Variants in BRCA2 observed in about 807,000 individuals in gnomAD.
BRCA2 encodes the protein BRCA2 DNA repair associated, also known as breast cancer type 2 susceptibility protein.
Under a neutral mutation model 276.7 loss-of-function variants are expected in BRCA2, and 203 were observed. The observed-to-expected ratio is 0.73, with a 90% CI of 0.65 to 0.82. The LOEUF is 0.82. Among genes scored for constraint, BRCA2 ranks in the 40% least tolerant of loss-of-function variants. The pLI is 0.00. For missense variants in BRCA2, 3,920 were observed against 3,915.0 expected, an observed-to-expected ratio of 1.00 and a Z score of -0.03; for synonymous variants, 1,289 against 1,338.4, an observed-to-expected ratio of 0.96 and a Z score of 0.81.
intron 24 of BRCA2, among the ~76,000 whole-genome samples, chr13:32,388,274 A>G (rs1458871331): frequency 6.6e-6 from 1 of 152,008 alleles, no homozygotes. Context: ...ACGTGCCACC[A>G]CACACGGCTA....
Position 32,398,485 on chromosome 13 carries a change from A to G in BRCA2, c.9972A>G (p.Pro3324=), listed in dbSNP as rs786201647. The change falls in exon 27 of 27, where the codon CCA becomes CCG. Residue 3324 remains proline, a synonymous_variant. Transcript: ENST00000380152. ...KKELNSPQMT[P]FKKFNEISLL... ...AACTGAATTCTCCTCAGATGACTCC[A>G]TTTAAAAAATTCAATGAAATTTCTC... 11 of 1,614,048 alleles carry G rather than the reference A, an allele frequency of 6.8e-6. No individual in the cohort carries two copies. In the Admixed American group the frequency reaches 1.7e-4, roughly 24 times the overall value.
chr13:32,340,066 T>A lies in BRCA2; in HGVS notation c.5711T>A (p.Leu1904His), dbSNP rs876658494. Residue 1904 changes from leucine (L) to histidine (H), a missense_variant, in exon 11 of 27, where the codon CTT becomes CAT. Physicochemically the swap from Leu to His is moderately conservative, Grantham distance 99 (BLOSUM62 -3). Around this residue, in one of 2 missense-constraint regions of BRCA2, gnomAD observed 3,263 missense variants for 3,156.9 expected, o/e 1.03. Coordinates refer to ENST00000380152, the MANE Select transcript of BRCA2 (RefSeq NM_000059.4). ...YEALDDSEDI[L>H]HNSLDNDECS... ...GCATTGGATGATTCAGAGGATATTC[T>A]TCATAACTCTCTAGATAATGATGAA... The A allele has an allele frequency of 1.9e-6, 3 of 1,613,818 alleles. No individual in the cohort carries two copies. The highest frequency in any genetic ancestry group is 2.2e-5 in the East Asian group (1 of 44,854).
At chr13:32,318,959 C>G in intron 2 of BRCA2, 118 bp from the exon 3 acceptor site, 2 of 1,368,776 alleles carry the variant, frequency 1.5e-6, no homozygotes, top group Non-Finnish European at 2.0e-6. Context: ...TATGCCTTAA[C>G]AAAAGTAATC....
intron 21 of BRCA2, among the ~76,000 whole-genome samples, chr13:32,377,664 G>A (rs981939563): frequency 6.7e-6 from 1 of 150,036 alleles, no homozygotes; most frequent in African/African-American, 2.5e-5. Flanking sequence ...CTATATAAAA[G>A]TTCCATATAA....
At chr13:32,323,346 G>A (rs1304514820) in intron 3 of BRCA2, among the ~76,000 whole-genome samples, 1 of 151,928 alleles carries the variant, frequency 6.6e-6, no homozygotes, top group Non-Finnish European at 1.5e-5. Flanking sequence ...GTAGAGACGG[G>A]GTTTCACTGT....
chr13:32,330,095 C>T (rs1488254502), intron 8 of BRCA2, among the ~76,000 whole-genome samples: 1 of 152,206 alleles, frequency 6.6e-6, no homozygotes, highest in African/African-American at 2.4e-5. Flanking sequence ...CCATCCCTTA[C>T]TTGCAGTAAA....
intron 24 of BRCA2, among the ~76,000 whole-genome samples, chr13:32,390,843 T>A (rs1425593094): frequency 6.6e-6 from 1 of 152,132 alleles, no homozygotes; most frequent in African/African-American, 2.4e-5. Flanking sequence ...GAAGCAGGGG[T>A]CAGTTGTTGA....
chr13:32,391,577 C>A (rs1369402946), intron 24 of BRCA2, among the ~76,000 whole-genome samples: 1 of 152,230 alleles, frequency 6.6e-6, no homozygotes, highest in African/African-American at 2.4e-5. Flanking sequence ...CGCACCATGG[C>A]ATCCACTCCA....
chr13:32,398,081 T>C (rs2073048122), intron 26 of BRCA2, 81 bp from the exon 27 acceptor site: 5 of 1,469,010 alleles, frequency 3.4e-6, no homozygotes, highest in African/African-American at 1.4e-5. Flanking sequence ...TGCTTAAATA[T>C]TTTCAATGAA....
At position 32,337,999 on chromosome 13, in the gene BRCA2, G is replaced by A. The variant is rs773442698; in HGVS notation, c.3644G>A (p.Gly1215Glu). 10 of 1,613,188 alleles carry A rather than the reference G, an allele frequency of 6.2e-6. No individual in the cohort carries two copies. In the South Asian group the frequency reaches 9.9e-5, roughly 16 times the overall value. The part of the protein sequence containing the change: ...SGYLTDENEV[G>E]FRGFYSAHGT... ...TATTTAACAGATGAAAATGAAGTGG[G>A]GTTTAGGGGCTTTTATTCTGCTCAT... The change falls in exon 11 of 27, where the codon GGG becomes GAG. Residue 1215 changes from glycine (G) to glutamate (E), a missense_variant. Physicochemically the swap from Gly to Glu is moderately conservative, Grantham distance 98. This residue lies in a region of BRCA2 where 3,263 missense variants were observed against 3,156.9 expected (regional missense o/e 1.03). Transcript: ENST00000380152.
chr13:32,343,709 G>GA lies in BRCA2; in HGVS notation c.6842-839dup, dbSNP rs139939339. Reference sequence around the variant, plus strand: ...GAAGTATATTGACTTTCCACCTAGGGAAAAAAAAAACAATAACTCAGACTT... The same window carrying GA: ...GAAGTATATTGACTTTCCACCTAGGGAAAAAAAAAAACAATAACTCAGACTT... On this transcript the variant is annotated intron_variant, in intron 11 of 26. Transcript: ENST00000380152. Among the ~76,000 whole-genome samples, 6,234 of 147,780 alleles carry GA rather than the reference G, an allele frequency of 0.042. 216 individuals are homozygous for GA. Among genetic ancestry groups the GA allele is most frequent in the South Asian group, 0.12 (543 of 4,716 alleles).
At position 32,346,873 on chromosome 13, in the gene BRCA2, G is replaced by C. The variant is rs1555285353; in HGVS notation, c.6984G>C (p.Glu2328Asp). 6.2e-7 allele frequency: 1 copy of C among 1,610,120 alleles called. No homozygotes were observed. Among genetic ancestry groups the C allele is most frequent in the Non-Finnish European group, 8.5e-7 (1 of 1,178,054 alleles). Residue 2328 changes from glutamate to aspartate, a missense_variant, in exon 13 of 27, where the codon GAG (glutamate) becomes GAC (aspartate). Physicochemically the swap from Glu to Asp is conservative, Grantham distance 45 (BLOSUM62 2). Coordinates refer to ENST00000380152, the MANE Select transcript of BRCA2 (RefSeq NM_000059.4). Reference sequence around the variant, plus strand: ...TGTTTATGCATCATGTTTCTTTAGAGCCGATTACCTGTGTACCCTTTCGGT... The same window carrying C: ...TGTTTATGCATCATGTTTCTTTAGACCCGATTACCTGTGTACCCTTTCGGT... Reference protein sequence around the residue: ...RRLFMHHVSLEPITCVPFRTT... With the variant: ...RRLFMHHVSLDPITCVPFRTT...
chr13:32,330,982 T>G lies in BRCA2; in HGVS notation c.745T>G (p.Ser249Ala). The G allele has an allele frequency of 6.2e-7, 1 of 1,613,864 alleles. No individual in the cohort carries two copies. Among genetic ancestry groups the G allele is most frequent in the Non-Finnish European group, 8.5e-7 (1 of 1,179,796 alleles). The change falls in exon 9 of 27, where the codon TCT (serine) becomes GCT (alanine). Residue 249 changes from serine (S) to alanine (A), a missense_variant. This residue lies in a region of BRCA2 where 3,263 missense variants were observed against 3,156.9 expected (regional missense o/e 1.03). Coordinates refer to ENST00000380152, the MANE Select transcript of BRCA2 (RefSeq NM_000059.4). ...GAAGAAAAATGATAGATTTATCGCT[T>G]CTGTGACAGACAGTGAAAACACAAA... is the stretch of plus-strand genomic sequence containing the variant. ...SLKKNDRFIA[S>A]VTDSENTNQR...
intron 21 of BRCA2, among the ~76,000 whole-genome samples, chr13:32,378,340 A>G (rs1221470187): frequency 2.0e-5 from 3 of 152,192 alleles, no homozygotes; most frequent in Non-Finnish European, 4.4e-5. Flanking sequence ...CTAAGTGCCT[A>G]TGAGTCTATG....
At chr13:32,388,121 CTT>C (rs34184533) in intron 24 of BRCA2, among the ~76,000 whole-genome samples, 54 of 141,474 alleles carry the variant, frequency 3.8e-4, no homozygotes, top group East Asian at 1.2e-3. Context: ...ATGACCTCAT[CTT>C]TTTTTTTTTT....
At position 32,337,345 on chromosome 13, in the gene BRCA2, T is replaced by A. The variant is rs397507649; in HGVS notation, c.2990T>A (p.Leu997Ter). The change falls in exon 11 of 27, where the codon TTA becomes TAA. Residue 997 changes from leucine to a stop codon, truncating the protein, a stop_gained. Coordinates refer to ENST00000380152, the MANE Select transcript of BRCA2 (RefSeq NM_000059.4). LOFTEE classifies it high-confidence loss of function. Reference sequence around the variant, plus strand: ...TACATGAACAAATGGGCAGGACTCTTAGGTCCAATTTCAAATCACAGTTTT... The same window carrying A: ...TACATGAACAAATGGGCAGGACTCTAAGGTCCAATTTCAAATCACAGTTTT... ...NDYMNKWAGL[L>*]GPISNHSFGG... 6.2e-7 allele frequency: 1 copy of A among 1,613,890 alleles called. No individual in the cohort carries two copies. Among genetic ancestry groups the A allele is most frequent in the South Asian group, 1.1e-5 (1 of 91,078 alleles).
Position 32,337,193 on chromosome 13 carries a change from T to C in BRCA2, c.2838T>C (p.Asp946=), listed in dbSNP as rs149753706. ...CAACCCAAGTGTCAATTAAAAAAGA[T>C]TTGGTTTATGTTCTTGCAGAGGAGA... ...KQATQVSIKK[D]LVYVLAEENK... The change falls in exon 11 of 27, where the codon GAT becomes GAC. Residue 946 remains aspartate, a synonymous_variant. Coordinates refer to ENST00000380152, the MANE Select transcript of BRCA2 (RefSeq NM_000059.4). 6.2e-7 allele frequency: 1 copy of C among 1,613,724 alleles called. No individual in the cohort carries two copies. The highest frequency in any genetic ancestry group is 8.5e-7 in the Non-Finnish European group (1 of 1,179,858).
At position 32,347,584 on chromosome 13, in the gene BRCA2, G is replaced by A. The variant is rs11571685; in HGVS notation, c.7007+688G>A. ...TGAATTGAGAGGATTCTGAATTGAA[G>A]GTGGGCTGGAGGGAGGGGACACCAG... On this transcript the variant is annotated intron_variant, in intron 13 of 26. Coordinates refer to ENST00000380152, the MANE Select transcript of BRCA2 (RefSeq NM_000059.4). Among the ~76,000 whole-genome samples the A allele has an allele frequency of 0.012, 1,869 of 152,314 alleles. 17 individuals are homozygous for A. The highest frequency in any genetic ancestry group is 0.021 in the Non-Finnish European group (1,441 of 68,016).
Position 32,337,304 on chromosome 13 carries a change from A to G in BRCA2, c.2949A>G (p.Pro983=), listed in dbSNP as rs762378787. ...SDISLNIDKI[P]EKNNDYMNKW... is the part of the protein sequence containing the mutation. ...TCTCCTTGAATATAGATAAAATACC[A>G]GAAAAAAATAATGATTACATGAACA... The change falls in exon 11 of 27, where the codon CCA becomes CCG. Residue 983 remains proline, a synonymous_variant. Transcript: ENST00000380152. 3 of 1,612,496 alleles carry G rather than the reference A, an allele frequency of 1.9e-6. No homozygotes were observed. Among genetic ancestry groups the G allele is most frequent in the Non-Finnish European group, 2.5e-6 (3 of 1,179,618 alleles).
Sources: gnomAD v4.1 joint callset for allele counts (sites outside exome capture counted in the v4.1 genomes callset) on GRCh38, gnomAD v4.1.1 for gene constraint, gnomAD v4.1.1 regional missense constraint, MANE v1.5 for transcripts, NCBI Gene and HGNC (gene_info 2026-07-23, HGNC 2026-07-21) for gene names.